SH3D19: variants seen among roughly 807,000 people sequenced by gnomAD.
SH3D19 encodes the protein SH3 domain containing 19.
SH3D19 carries 58 observed loss-of-function variants against 112.1 expected under a neutral mutation model. The observed-to-expected ratio is 0.52, with a 90% CI of 0.42 to 0.64. The LOEUF (loss-of-function observed/expected upper bound fraction) is 0.64. SH3D19 is among the 30% of genes least tolerant of loss of function. The probability of loss-of-function intolerance (pLI) is 0.00; values close to 1 mark genes in which losing one functional copy is unlikely to be tolerated. For missense variants in SH3D19, 1,090 were observed against 1,263.4 expected (o/e 0.86, Z 2.08); for synonymous variants, 391 against 448.5 (o/e 0.87, Z 1.62).
chr4:151,139,687 G>A, intron 13 of SH3D19, 88 bp downstream of exon 13: 1 of 1,144,398 alleles, frequency 8.7e-7, no homozygotes. Context: ...AAATGAAGAA[G>A]GATGTCCTTG....
intron 1 of SH3D19, chr4:151,283,023 A>G: frequency 8.9e-7 from 1 of 1,117,712 alleles, no homozygotes; most frequent in Non-Finnish European, 1.3e-6. Flanking sequence ...CTGCTTTTGG[A>G]TTCCCATTCA....
intron 2 of SH3D19, among the ~76,000 whole-genome samples, chr4:151,202,029 A>G (rs941090122): frequency 1.3e-5 from 2 of 150,730 alleles, no homozygotes; most frequent in African/African-American, 2.4e-5. Flanking sequence ...AAAAAAAAGA[A>G]AGAAAATAAT....
chr4:151,302,925 A>T (rs956439155), intron 1 of SH3D19, among the ~76,000 whole-genome samples: 39 of 152,312 alleles, frequency 2.6e-4, no homozygotes, highest in African/African-American at 8.7e-4. Flanking sequence ...GTAAATGACG[A>T]GTTAATGGGT....
At chr4:151,321,056 C>A (rs929624095) in intron 1 of SH3D19, among the ~76,000 whole-genome samples, 7 of 152,014 alleles carry the variant, frequency 4.6e-5, no homozygotes, top group African/African-American at 1.2e-4. Flanking sequence ...AAACAAAAAC[C>A]CACAGCTACA....
chr4:151,224,282 C>A (rs1467882662), intron 2 of SH3D19, among the ~76,000 whole-genome samples: 9 of 151,890 alleles, frequency 5.9e-5, no homozygotes, highest in Non-Finnish European at 4.4e-5. Context: ...GCACTCCAGC[C>A]TGGGAAACAG....
chr4:151,287,515 T>C (rs1774925335), intron 1 of SH3D19, among the ~76,000 whole-genome samples: 1 of 152,208 alleles, frequency 6.6e-6, no homozygotes. Flanking sequence ...AAGGACTATA[T>C]ATACCGGAAT....
chr4:151,168,723 GTGCC>G (rs1303753082), intron 7 of SH3D19, among the ~76,000 whole-genome samples: 3 of 152,144 alleles, frequency 2.0e-5, no homozygotes, highest in African/African-American at 7.2e-5. Flanking sequence ...GTGAGCCACT[GTGCC>G]TGGCCTGAAG....
chr4:151,278,042 C>A (rs1034697371), intron 1 of SH3D19, among the ~76,000 whole-genome samples: 1 of 151,794 alleles, frequency 6.6e-6, no homozygotes, highest in African/African-American at 2.4e-5. Flanking sequence ...CCCCGTCCCC[C>A]CAAAAAACAG....
intron 1 of SH3D19, among the ~76,000 whole-genome samples, chr4:151,285,589 G>A (rs910636213): frequency 6.6e-6 from 1 of 152,166 alleles, no homozygotes; most frequent in African/African-American, 2.4e-5. Flanking sequence ...ATTTATATCT[G>A]TAAATGCCTA....
chr4:151,144,874 C>T (rs1301532521), intron 11 of SH3D19, among the ~76,000 whole-genome samples: 2 of 152,190 alleles, frequency 1.3e-5, no homozygotes, highest in East Asian at 3.8e-4. Flanking sequence ...GCTCTGTTCC[C>T]TGCTTTGGAA....
intron 2 of SH3D19, among the ~76,000 whole-genome samples, chr4:151,223,950 C>T (rs1167750288): frequency 1.3e-5 from 2 of 152,132 alleles, no homozygotes; most frequent in African/African-American, 4.8e-5. Context: ...GGTATCTATA[C>T]AGTCACTCCA....
intron 1 of SH3D19, chr4:151,279,058 T>A: frequency 2.5e-6 from 1 of 393,564 alleles, no homozygotes; most frequent in Non-Finnish European, 4.8e-6. Flanking sequence ...GTTGTCAGTA[T>A]CCACCTCTCA....
chr4:151,193,314 T>C (rs1343346997), intron 2 of SH3D19, among the ~76,000 whole-genome samples: 1 of 152,058 alleles, frequency 6.6e-6, no homozygotes, highest in African/African-American at 2.4e-5. Flanking sequence ...GAGCATTTGG[T>C]GTTCACTAAA....
chr4:151,244,472 C>T (rs141794252), intron 1 of SH3D19, among the ~76,000 whole-genome samples: 33 of 152,232 alleles, frequency 2.2e-4, no homozygotes, highest in East Asian at 1.4e-3. Flanking sequence ...TTTTTACACC[C>T]GAGGATCACA....
chr4:151,202,044 A>G (rs1349254007), intron 2 of SH3D19, among the ~76,000 whole-genome samples: 1 of 150,806 alleles, frequency 6.6e-6, no homozygotes, highest in African/African-American at 2.4e-5. Context: ...AATAATGATA[A>G]TAACAATAAG....
Position 151,180,594 on chromosome 4 carries a change from T to G in SH3D19, c.194-1197A>C, listed in dbSNP as rs565902403. On this transcript the variant is annotated intron_variant, in intron 3 of 19. Transcript: ENST00000604030. Reference sequence around the variant, plus strand: ...GCTAATTTTTTATATTTTTAGTAGATACGGGGTTTCACCGTGTTAGCCAGG... The same window carrying G: ...GCTAATTTTTTATATTTTTAGTAGAGACGGGGTTTCACCGTGTTAGCCAGG... 4.5e-4 allele frequency among the ~76,000 whole-genome samples: 68 copies of G among 151,440 alleles called. 1 individual carries two copies. In the Middle Eastern group the frequency reaches 0.01, roughly 23 times the overall value.
Position 151,278,132 on chromosome 4 carries a change from G to A in SH3D19, c.112+47109C>T, listed in dbSNP as rs1773828523. Among the ~76,000 whole-genome samples the A allele has an allele frequency of 3.3e-5, 5 of 152,198 alleles. No individual in the cohort carries two copies. In the South Asian group the frequency reaches 8.3e-4, roughly 25 times the overall value. On this transcript the variant is annotated intron_variant, in intron 1 of 19. Coordinates refer to ENST00000604030, the MANE Select transcript of SH3D19 (RefSeq NM_001378122.1). ...ACAAATACTGCAAAATGCCAATTCA[G>A]TTAAACCAAATAGCACAAAAGTAAA...
chr4:151,158,865 T>TA (rs1248713274), intron 9 of SH3D19, among the ~76,000 whole-genome samples: 3 of 152,128 alleles, frequency 2.0e-5, no homozygotes, highest in Non-Finnish European at 2.9e-5. Flanking sequence ...TTAATTATCT[T>TA]AAATTTTGGT....
At chr4:151,159,432 T>C (rs1457368326) in intron 8 of SH3D19, 80 bp from the exon 9 acceptor site, 12 of 824,368 alleles carry the variant, frequency 1.5e-5, no homozygotes, top group Middle Eastern at 2.2e-4. Flanking sequence ...GCTTAGTTTA[T>C]TAGAAAAATG....
Sources: allele counts gnomAD v4.1 joint callset (sites outside exome capture counted in the v4.1 genomes callset), GRCh38; gene constraint gnomAD v4.1.1; transcripts MANE v1.5; gene names NCBI Gene and HGNC (gene_info 2026-07-23, HGNC 2026-07-21).